The following PLXNA3 variants were observed in gnomAD, a reference collection of about 807,000 sequenced individuals.
The protein encoded by PLXNA3 is plexin-A3.
A neutral mutation model predicts 118.8 loss-of-function variants in PLXNA3; 52 were observed. That is an observed-to-expected ratio of 0.44 (90% CI 0.35 to 0.55). The LOEUF is 0.55. PLXNA3 is among the 20% of genes least tolerant of loss of function. The probability of loss-of-function intolerance (pLI) is 0.01; values close to 1 mark genes in which losing one functional copy is unlikely to be tolerated. For synonymous variants in PLXNA3, 925 were observed against 762.4 expected (o/e 1.21, Z -3.51); for missense variants, 1,660 against 1,730.8 (o/e 0.96, Z 0.73).
At chrX:154,470,380 C>T (rs1358492373) in intron 29 of PLXNA3, 62 bp from the exon 30 acceptor site, 4 of 1,115,279 alleles carry the variant, frequency 3.6e-6, no homozygotes, top group Non-Finnish European at 4.9e-6. Context: ...CTCCATCTGT[C>T]CTGCTCTGGG....
At chrX:154,470,253 A>C in intron 29 of PLXNA3, 86 bp downstream of exon 29, 1 of 1,023,098 alleles carries the variant, frequency 9.8e-7, no homozygotes, top group South Asian at 2.2e-5. Flanking sequence ...ATTTGCTTCC[A>C]GTGGGCCTTT....
rs782741799 is a variant in PLXNA3, at chrX:154,460,394, G to A, written c.211G>A (p.Val71Ile). Residue 71 changes from valine (V) to isoleucine (I), a missense_variant, in exon 2 of 33, where the codon GTC becomes ATC. Around this residue, in one of 2 missense-constraint regions of PLXNA3, gnomAD observed 791 missense variants for 652.1 expected, o/e 1.21. Coordinates refer to ENST00000369682, the MANE Select transcript of PLXNA3 (RefSeq NM_017514.5). ...GCTGCGGGCCCATGTCACGGGGCCC[G>A]TCGAGGACAACGCTCGCTGCTACCC... is the stretch of plus-strand genomic sequence containing the variant. ...TELRAHVTGP[V>I]EDNARCYPPP... The A allele has an allele frequency of 1.8e-5, 22 of 1,206,111 alleles. No individual in the cohort carries two copies. In the South Asian group the frequency reaches 2.8e-4, roughly 16 times the overall value.
At chrX:154,464,125 C>G in intron 7 of PLXNA3, 32 bp from the exon 8 acceptor site, 1 of 1,207,485 alleles carries the variant, frequency 8.3e-7, no homozygotes, top group Non-Finnish European at 1.1e-6. Context: ...TGCTGGGAGT[C>G]CGCCCTGCCC....
At position 154,465,587 on chromosome X, in the gene PLXNA3, C is replaced by T; in HGVS notation, c.2341+67C>T. ...GCACTGCTGGGGTCGGGTCTGGGGG[C>T]CCTAGTGCTCCCCACTTTCCACTTT... On this transcript the variant is annotated intron_variant, in intron 12 of 32. Coordinates refer to ENST00000369682, the MANE Select transcript of PLXNA3 (RefSeq NM_017514.5). 3 of 1,142,867 alleles carry T rather than the reference C, an allele frequency of 2.6e-6. No individual in the cohort carries two copies. The South Asian group carries it at 5.4e-5, about 21-fold the overall frequency. The allele number at this position is 1,142,867 out of a possible 1,213,427, so 94.2% of individuals were successfully genotyped here.
chrX:154,463,569 T>G lies in PLXNA3; in HGVS notation c.1447-21T>G, dbSNP rs782490028. The G allele has an allele frequency of 6.1e-5, 72 of 1,171,775 alleles. No homozygotes were observed. In the African/African-American group the frequency reaches 1.1e-3, roughly 17 times the overall value. On this transcript the variant is annotated intron_variant, in intron 5 of 32. Transcript: ENST00000369682. ...GGTGGTGGGGCGGGGGTGGGCTGGG[T>G]GCTGATGTGGCTGTCCCCAGGTGAG...
At chrX:154,470,651 A>G (rs2069170906) in intron 30 of PLXNA3, 40 bp downstream of exon 30, 1 of 1,167,514 alleles carries the variant, frequency 8.6e-7, no homozygotes, top group Non-Finnish European at 1.2e-6. Flanking sequence ...CTGTCTGGAG[A>G]CTGGTGGGCG....
Position 154,474,785 on chromosome X carries a change from T to C in PLXNA3, c.*2100T>C, listed in dbSNP as rs1291507935. On this transcript the variant is annotated 3_prime_UTR_variant, in exon 33 of 33. Coordinates refer to ENST00000369682, the MANE Select transcript of PLXNA3 (RefSeq NM_017514.5). Reference sequence around the variant, plus strand: ...AGCCACCATGCCTGACCTTTTTTTTTTTTTTTTTTTTTTTTTTTTTTGGAG... The same window carrying C: ...AGCCACCATGCCTGACCTTTTTTTTCTTTTTTTTTTTTTTTTTTTTTGGAG... 1 of 74,594 alleles carries C rather than the reference T, an allele frequency of 1.3e-5. No individual in the cohort carries two copies. Among genetic ancestry groups the C allele is most frequent in the African/African-American group, 4.8e-5 (1 of 20,928 alleles). 6.1% of individuals were successfully genotyped at this position (74,594 alleles called of 1,213,427 possible).
chrX:154,461,719 C>G lies in PLXNA3; in HGVS notation c.1134+81C>G. The G allele has an allele frequency of 7.1e-6, 7 of 983,015 alleles. No homozygotes were observed. The South Asian group carries it at 1.3e-4, about 19-fold the overall frequency. 81.0% of individuals were successfully genotyped at this position (983,015 alleles called of 1,213,427 possible). ...CCAGCGTGGGCTCACGGCCAGTCAT[C>G]CTGTCCCAGGCTTTGCCATGGCCCT... On this transcript the variant is annotated intron_variant, in intron 3 of 32. Transcript: ENST00000369682.
chrX:154,459,004 G>T (rs1397353977), intron 1 of PLXNA3, among the ~76,000 whole-genome samples: 1 of 111,780 alleles, frequency 8.9e-6, no homozygotes, highest in Non-Finnish European at 1.9e-5. Context: ...TCCGGCTGTT[G>T]CATGAGGGGT....
At position 154,462,222 on chromosome X, in the gene PLXNA3, G is replaced by C; in HGVS notation, c.1229G>C (p.Ser410Thr). ...GAGGGGCTGCCCCTGCTGGCCGACA[G>C]CACCGACGGCATGGCCAGCGTGGCC... ...VIEGLPLLAD[S>T]TDGMASVAAY... The change falls in exon 4 of 33, where the codon AGC becomes ACC. Residue 410 changes from serine (S) to threonine (T), a missense_variant. Ser to Thr is a moderately conservative substitution (Grantham distance 58). This residue lies in a region of PLXNA3 where 791 missense variants were observed against 652.1 expected (regional missense o/e 1.21). Coordinates refer to ENST00000369682, the MANE Select transcript of PLXNA3 (RefSeq NM_017514.5). 2 of 1,202,670 alleles carry C rather than the reference G, an allele frequency of 1.7e-6. No homozygotes were observed. Among genetic ancestry groups the C allele is most frequent in the Non-Finnish European group, 2.2e-6 (2 of 890,479 alleles).
In PLXNA3 at chrX:154,461,104, C is replaced by T. The variant is rs200478230; in HGVS notation, c.600C>T (p.Tyr200=). The change falls in exon 3 of 33, where the codon TAC becomes TAT. Residue 200 remains tyrosine (Y), a synonymous_variant. Coordinates refer to ENST00000369682, the MANE Select transcript of PLXNA3 (RefSeq NM_017514.5). ...CTCCTCCCCCTGCTCCCCAGGTGTA[C>T]CAGGATGAGTTTGTGTCCTCCCAGA... ...EDSADMFSLV[Y]QDEFVSSQIK... is the part of the protein sequence containing the mutation. 33 of 1,193,015 alleles carry T rather than the reference C, an allele frequency of 2.8e-5. No individual in the cohort carries two copies. The East Asian group carries it at 9.2e-4, about 33-fold the overall frequency.
chrX:154,458,668 C>G (rs1056432782), intron 1 of PLXNA3, among the ~76,000 whole-genome samples: 1 of 112,344 alleles, frequency 8.9e-6, no homozygotes, highest in Admixed American at 9.3e-5. Flanking sequence ...CGCTGTACTT[C>G]CCTCCCGCTA....
In PLXNA3 at chrX:154,464,832, G is replaced by A. The variant is rs1557206400; in HGVS notation, c.2007G>A (p.Glu669=). The A allele has an allele frequency of 8.3e-7, 1 of 1,205,836 alleles. No individual in the cohort carries two copies. The highest frequency in any genetic ancestry group is 1.7e-5 in the African/African-American group (1 of 57,277). ...ACACGTGTACCAGCCGCCCCCACGA[G>A]TGCTCCTTCCAGGAGGGCAGGGTCC... ...YRHTCTSRPH[E]CSFQEGRVHS... The change falls in exon 10 of 33, where the codon GAG becomes GAA. Residue 669 remains glutamate, a synonymous_variant. Transcript: ENST00000369682.
rs1603394763 is a variant in PLXNA3 at position 154,470,565 on chromosome X, C to T, written c.5110C>T (p.Arg1704Cys). ...CTTCCTGGATGAGCAGGCGGACCAGCGCCAGATCAGCGACCCCGATGTGCG... is the reference window on the plus strand; with the variant it reads ...CTTCCTGGATGAGCAGGCGGACCAGTGCCAGATCAGCGACCCCGATGTGCG... The part of the protein sequence containing the change: ...FDFLDEQADQ[R>C]QISDPDVRHT... Residue 1704 changes from arginine (R) to cysteine (C), a missense_variant, in exon 30 of 33, where the codon CGC becomes TGC. Arg to Cys is a radical substitution (Grantham distance 180). This residue lies in a region of PLXNA3 where 869 missense variants were observed against 1,078.7 expected (regional missense o/e 0.81). Coordinates refer to ENST00000369682, the MANE Select transcript of PLXNA3 (RefSeq NM_017514.5). 7 of 1,211,456 alleles carry T rather than the reference C, an allele frequency of 5.8e-6. No individual in the cohort carries two copies. Among genetic ancestry groups the T allele is most frequent in the Non-Finnish European group, 6.7e-6 (6 of 895,300 alleles).
In PLXNA3 at chrX:154,462,156, G is replaced by C. The variant is rs782511043; in HGVS notation, c.1163G>C (p.Gly388Ala). ...ATGCAGATCAACGGCAACTTCTGTG[G>C]GCTGGTGTTGAACCAGCCTCTGGGA... Reference protein sequence around the residue: ...TPMQINGNFCGLVLNQPLGGL... With the variant: ...TPMQINGNFCALVLNQPLGGL... Residue 388 changes from glycine (G) to alanine (A), a missense_variant, in exon 4 of 33, where the codon GGG (glycine) becomes GCG (alanine). Physicochemically the swap from Gly to Ala is moderately conservative, Grantham distance 60. This residue lies in a region of PLXNA3 where 791 missense variants were observed against 652.1 expected (regional missense o/e 1.21). Coordinates refer to ENST00000369682, the MANE Select transcript of PLXNA3 (RefSeq NM_017514.5). 1 of 1,201,848 alleles carries C rather than the reference G, an allele frequency of 8.3e-7. No homozygotes were observed. The highest frequency in any genetic ancestry group is 3.0e-5 in the East Asian group (1 of 33,107).
At position 154,467,892 on chromosome X, in the gene PLXNA3, C is replaced by T. The variant is rs782055041; in HGVS notation, c.3711C>T (p.Ala1237=). 4.4e-5 allele frequency: 53 copies of T among 1,207,328 alleles called. 1 individual carries two copies. The highest frequency in any genetic ancestry group is 2.1e-4 in the South Asian group (12 of 56,792). The part of the protein sequence containing the change: ...GGGLLLLAIT[A]VLVAYKRKTQ... ...GGCTCCTGCTGCTGGCCATCACAGC[C>T]GTGCTGGTGGCCTACAAGCGCAAGA... Residue 1237 remains alanine, a synonymous_variant, in exon 21 of 33, where the codon GCC becomes GCT. Transcript: ENST00000369682.
rs1445191434 is a variant in PLXNA3 at position 154,470,377 on chromosome X, T to C, written c.4987-65T>C. ...TTTGCCAAGCCTTTCTGCCTCCATC[T>C]GTCCTGCTCTGGGGACATCCCAACC... On this transcript the variant is annotated intron_variant, in intron 29 of 32. Transcript: ENST00000369682. 4.6e-6 allele frequency: 5 copies of C among 1,093,610 alleles called. No homozygotes were observed. The African/African-American group carries it at 9.1e-5, about 20-fold the overall frequency. 90.1% of individuals were successfully genotyped at this position (1,093,610 alleles called of 1,213,427 possible). A position where few individuals can be genotyped will look rare whatever the true frequency, so the allele number is the denominator to read the frequency against.
chrX:154,469,394 G>T lies in PLXNA3; in HGVS notation c.4610G>T (p.Arg1537Leu), dbSNP rs1557208595. The change falls in exon 27 of 33, where the codon CGC (arginine) becomes CTC (leucine). Residue 1537 changes from arginine to leucine, a missense_variant. Arg to Leu is a moderately radical substitution (Grantham distance 102). Around this residue, in one of 2 missense-constraint regions of PLXNA3, gnomAD observed 869 missense variants for 1,078.7 expected, o/e 0.81. Coordinates refer to ENST00000369682, the MANE Select transcript of PLXNA3 (RefSeq NM_017514.5). ...EDMDLEWRQGRMTRIILQDED... is the reference protein window; with the variant it reads ...EDMDLEWRQGLMTRIILQDED... ...TGGCCCACAGAGTGGCGCCAGGGCC[G>T]CATGACTCGCATCATCCTCCAGGAT... 1.7e-6 allele frequency: 2 copies of T among 1,208,304 alleles called. No homozygotes were observed. The highest frequency in any genetic ancestry group is 2.2e-6 in the Non-Finnish European group (2 of 893,012).
rs1319846419 is a variant in PLXNA3, at chrX:154,466,432, G to A, written c.2856G>A (p.Arg952=). 9 of 1,210,041 alleles carry A rather than the reference G, an allele frequency of 7.4e-6. No homozygotes were observed. In the African/African-American group the frequency reaches 1.2e-4, roughly 16 times the overall value. Residue 952 remains arginine, a synonymous_variant, in exon 16 of 33, where the codon CGG becomes CGA. Transcript: ENST00000369682. ...PSRGPASGGT[R]LTISGSSLDA... The stretch of plus-strand genomic sequence containing the variant: ...GTGGCCCGGCGTCCGGGGGCACACG[G>A]CTTACCATCTCAGGCAGCTCTCTGG...
Sources: gnomAD v4.1 joint callset for allele counts (sites outside exome capture counted in the v4.1 genomes callset) on GRCh38, gnomAD v4.1.1 for gene constraint, gnomAD v4.1.1 regional missense constraint, MANE v1.5 for transcripts, NCBI Gene and HGNC (gene_info 2026-07-23, HGNC 2026-07-21) for gene names.